Variants in GPR176 observed in about 807,000 individuals in gnomAD.
The protein encoded by GPR176 is G protein-coupled receptor 176.
In GPR176, 26 loss-of-function variants were observed where a neutral mutation model predicts 35.4. The observed-to-expected ratio is 0.74, with a 90% CI of 0.54 to 1.02. The LOEUF (loss-of-function observed/expected upper bound fraction) is 1.02, where lower values mean the gene tolerates loss of function less well. Ranked by LOEUF, GPR176 falls within the 50% of genes least tolerant of loss-of-function variation. GPR176 has a pLI of 0.00. For synonymous variants in GPR176, 278 were observed against 271.3 expected (o/e 1.02, Z -0.24); for missense variants, 597 against 665.3 (o/e 0.90, Z 1.13).
At chr15:39,866,396 C>T (rs573966933) in intron 1 of GPR176, among the ~76,000 whole-genome samples, 1 of 152,088 alleles carries the variant, frequency 6.6e-6, no homozygotes, top group East Asian at 1.9e-4. Context: ...AAAACAAAAA[C>T]AAGTAAATGT....
chr15:39,909,440 G>A (rs1166025973), intron 1 of GPR176, among the ~76,000 whole-genome samples: 2 of 152,164 alleles, frequency 1.3e-5, no homozygotes, highest in Non-Finnish European at 2.9e-5. Flanking sequence ...AATTCTAAAA[G>A]CAACATAATA....
intron 1 of GPR176, among the ~76,000 whole-genome samples, chr15:39,894,219 C>T (rs1161767946): frequency 2.3e-4 from 31 of 136,686 alleles, no homozygotes; most frequent in African/African-American, 7.9e-4. Flanking sequence ...CGGGCAGAGG[C>T]GCCCCTCACC....
chr15:39,818,285 G>C (rs1900048885), intron 1 of GPR176, among the ~76,000 whole-genome samples: 1 of 152,204 alleles, frequency 6.6e-6, no homozygotes, highest in Non-Finnish European at 1.5e-5. Context: ...CAATTAATTT[G>C]ATTCCAGAGG....
intron 1 of GPR176, 105 bp from the exon 2 acceptor site, chr15:39,807,363 G>T (rs1448286380): frequency 2.2e-5 from 17 of 760,680 alleles, no homozygotes; most frequent in African/African-American, 2.0e-4. Context: ...TTTGAGAGTT[G>T]ATTTCAAAAG....
chr15:39,873,127 G>C (rs548944711), intron 1 of GPR176, among the ~76,000 whole-genome samples: 1 of 152,322 alleles, frequency 6.6e-6, no homozygotes, highest in African/African-American at 2.4e-5. Flanking sequence ...TAAACATTAA[G>C]CACTATACTT....
At chr15:39,894,994 C>G (rs1264829938) in intron 1 of GPR176, among the ~76,000 whole-genome samples, 1 of 152,206 alleles carries the variant, frequency 6.6e-6, no homozygotes, top group Non-Finnish European at 1.5e-5. Flanking sequence ...CTCGGGAGGC[C>G]GAGGCTGGCG....
At position 39,802,123 on chromosome 15, in the gene GPR176, A is replaced by AT; in HGVS notation, c.556dup (p.Ile186AsnfsTer25). On this transcript the variant is annotated frameshift_variant, in exon 3 of 3. Coordinates refer to ENST00000561100, the MANE Select transcript of GPR176 (RefSeq NM_007223.3). LOFTEE classifies it high-confidence loss of function. Reference sequence around the variant, plus strand: ...TTCCGTGCAGGTGGACGTGGCATAGATGTCAGCCACATTGGTTACTGCAAA... The same window carrying AT: ...TTCCGTGCAGGTGGACGTGGCATAGATTGTCAGCCACATTGGTTACTGCAAA... The AT allele has an allele frequency of 1.2e-6, 2 of 1,614,146 alleles. No individual in the cohort carries two copies. Among genetic ancestry groups the AT allele is most frequent in the Non-Finnish European group, 1.7e-6 (2 of 1,180,022 alleles).
intron 1 of GPR176, among the ~76,000 whole-genome samples, chr15:39,915,078 A>G (rs1158640482): frequency 1.3e-5 from 2 of 152,206 alleles, no homozygotes; most frequent in Non-Finnish European, 2.9e-5. Flanking sequence ...TTGGATCTTT[A>G]CTTGGGGTCA....
At chr15:39,891,885 A>G (rs2032887525) in intron 1 of GPR176, among the ~76,000 whole-genome samples, 2 of 152,220 alleles carry the variant, frequency 1.3e-5, no homozygotes, top group Non-Finnish European at 2.9e-5. Flanking sequence ...TGCTCCAGGT[A>G]GAAATGTTAA....
intron 1 of GPR176, among the ~76,000 whole-genome samples, chr15:39,863,597 C>T (rs2031702792): frequency 6.6e-6 from 1 of 152,114 alleles, no homozygotes; most frequent in African/African-American, 2.4e-5. Flanking sequence ...AGTGTACAGT[C>T]TTTATAAAGT....
chr15:39,877,529 C>T (rs942499170), intron 1 of GPR176, among the ~76,000 whole-genome samples: 1 of 149,876 alleles, frequency 6.7e-6, no homozygotes, highest in Non-Finnish European at 1.5e-5. Flanking sequence ...CTCCTAATCA[C>T]ATGCTCTTCT....
At chr15:39,877,323 G>A (rs1472857025) in intron 1 of GPR176, among the ~76,000 whole-genome samples, 1 of 152,076 alleles carries the variant, frequency 6.6e-6, no homozygotes, top group Non-Finnish European at 1.5e-5. Flanking sequence ...ACACTGATAC[G>A]TTTAAGTGAA....
At chr15:39,905,718 T>C (rs1053150726) in intron 1 of GPR176, among the ~76,000 whole-genome samples, 2 of 152,158 alleles carry the variant, frequency 1.3e-5, no homozygotes, top group Non-Finnish European at 2.9e-5. Context: ...AAAGGTTACA[T>C]ACCACAGTAT....
chr15:39,916,729 A>T (rs1405738185), intron 1 of GPR176, among the ~76,000 whole-genome samples: 4 of 152,230 alleles, frequency 2.6e-5, no homozygotes, highest in Non-Finnish European at 4.4e-5. Flanking sequence ...TTACTTAATC[A>T]GTTATTTTTT....
chr15:39,822,158 G>T (rs1229091036), intron 1 of GPR176, among the ~76,000 whole-genome samples: 3 of 152,204 alleles, frequency 2.0e-5, no homozygotes, highest in Admixed American at 1.3e-4. Context: ...CATGCCTTCA[G>T]GTGGCCACAG....
At chr15:39,823,972 T>C (rs940979313) in intron 1 of GPR176, among the ~76,000 whole-genome samples, 17 of 152,180 alleles carry the variant, frequency 1.1e-4, no homozygotes, top group Non-Finnish European at 2.9e-5. Flanking sequence ...TGTTGAAATG[T>C]GGCCTCCATT....
At chr15:39,820,006 GGA>G (rs1900162106) in intron 1 of GPR176, among the ~76,000 whole-genome samples, 1 of 152,152 alleles carries the variant, frequency 6.6e-6, no homozygotes, top group African/African-American at 2.4e-5. Flanking sequence ...AGGAGAAAAA[GGA>G]GAGGCCTGAG....
chr15:39,874,495 G>A (rs186232589), intron 1 of GPR176, among the ~76,000 whole-genome samples: 2 of 152,094 alleles, frequency 1.3e-5, no homozygotes, highest in East Asian at 3.9e-4. Context: ...CTTTCATCTT[G>A]CTATGTATTG....
intron 1 of GPR176, among the ~76,000 whole-genome samples, chr15:39,879,885 A>G (rs990144778): frequency 6.6e-6 from 1 of 152,162 alleles, no homozygotes; most frequent in African/African-American, 2.4e-5. Context: ...ATCAGCCTCC[A>G]GGTAACTCCT....
Sources: gnomAD v4.1 joint callset for allele counts (sites outside exome capture counted in the v4.1 genomes callset) on GRCh38, gnomAD v4.1.1 for gene constraint, MANE v1.5 for transcripts, NCBI Gene and HGNC (gene_info 2026-07-23, HGNC 2026-07-21) for gene names.